The following SLC25A23 variants were observed in gnomAD, a reference collection of about 807,000 sequenced individuals.
SLC25A23 encodes the protein solute carrier family 25 member 23, also known as mitochondrial adenyl nucleotide antiporter SLC25A23.
A neutral mutation model predicts 53.9 loss-of-function variants in SLC25A23; 32 were observed. The observed-to-expected ratio is 0.59, with a 90% confidence interval of 0.45 to 0.80. SLC25A23 has a LOEUF of 0.80. Ranked by LOEUF, SLC25A23 falls within the 30% of genes least tolerant of loss-of-function variation. The pLI is 0.00. For synonymous variants in SLC25A23, 275 were observed against 264.5 expected (o/e 1.04, Z -0.38); for missense variants, 575 against 651.4 (o/e 0.88, Z 1.28).
At chr19:6,442,613 A>ATGG (rs2092439357) in intron 9 of SLC25A23, among the ~76,000 whole-genome samples, 1 of 152,018 alleles carries the variant, frequency 6.6e-6, no homozygotes, top group African/African-American at 2.4e-5. Flanking sequence ...CAATGGTGCA[A>ATGG]TCTCGGCTCA....
chr19:6,455,461 G>C (rs2092665657), intron 4 of SLC25A23, among the ~76,000 whole-genome samples: 1 of 151,816 alleles, frequency 6.6e-6, no homozygotes, highest in Admixed American at 6.6e-5. Context: ...TCCTCCACAT[G>C]GAGTCCCCGT....
chr19:6,442,302 C>T (rs2144780055), intron 9 of SLC25A23, 143 bp from the exon 10 acceptor site: 5 of 612,676 alleles, frequency 8.2e-6, no homozygotes, highest in South Asian at 4.0e-5. Context: ...CACTCAGAGT[C>T]GAGACTTGTA....
rs748356618 is a variant in SLC25A23 at position 6,454,365 on chromosome 19, C to A, written c.753G>T (p.Lys251Asn). 1 of 1,614,198 alleles carries A rather than the reference C, an allele frequency of 6.2e-7. No homozygotes were observed. The highest frequency in any genetic ancestry group is 8.5e-7 in the Non-Finnish European group (1 of 1,180,018). Residue 251 changes from lysine to asparagine, a missense_variant, in exon 6 of 10, where the codon AAG becomes AAT. By Grantham distance (94) the Lys-to-Asn change is moderately conservative (BLOSUM62 0). Transcript: ENST00000301454. The surrounding 1 kb of genome is among the most constrained non-coding windows in gnomAD (Gnocchi z 4.3). ...ACTTGATAGCTGACTCGGGGGCAAT[C>A]TTGAGTACATTAATACCATTGCCGC... ...LWRGNGINVL[K>N]IAPESAIKFM... is the part of the protein sequence containing the mutation.
intron 8 of SLC25A23, among the ~76,000 whole-genome samples, chr19:6,449,033 GA>G (rs747400351): frequency 2.2e-4 from 32 of 145,006 alleles, no homozygotes; most frequent in East Asian, 1.9e-3. Flanking sequence ...CAAAAAAAAA[GA>G]AAAAAAAAAG....
Position 6,441,822 on chromosome 19 carries a change from C to T in SLC25A23, c.*153G>A, listed in dbSNP as rs2092424811. 1.5e-6 allele frequency: 1 copy of T among 651,286 alleles called. No individual in the cohort carries two copies. The allele number at this position is 651,286 out of a possible 1,614,324, so 40.3% of individuals were successfully genotyped here. Reference sequence around the variant, plus strand: ...ATCCAGGATCTGGATGCTGGGATCCCATGACCCAATGGTTGGGGCATAGGA... The same window carrying T: ...ATCCAGGATCTGGATGCTGGGATCCTATGACCCAATGGTTGGGGCATAGGA... On this transcript the variant is annotated 3_prime_UTR_variant, in exon 10 of 10. Coordinates refer to ENST00000301454, the MANE Select transcript of SLC25A23 (RefSeq NM_024103.3).
chr19:6,458,414 A>G, intron 1 of SLC25A23, 90 bp from the exon 2 acceptor site: 1 of 1,436,066 alleles, frequency 7.0e-7, no homozygotes, highest in Non-Finnish European at 9.3e-7. Context: ...AGGAACCCAG[A>G]GCCCCCAGCG....
Position 6,459,557 on chromosome 19 carries a change from G to C in SLC25A23, c.72C>G (p.Asn24Lys). 1 of 1,597,790 alleles carries C rather than the reference G, an allele frequency of 6.3e-7. No individual in the cohort carries two copies. Among genetic ancestry groups the C allele is most frequent in the East Asian group, 2.3e-5 (1 of 43,732 alleles). ...CGTGCACGTCCACGCGGCCATCCTT[G>C]TTACTGTCCAGCTCCTCGAACAGGC... ...WGRLFEELDS[N>K]KDGRVDVHEL... The change falls in exon 1 of 10, where the codon AAC becomes AAG. Residue 24 changes from asparagine to lysine, a missense_variant. By Grantham distance (94) the Asn-to-Lys change is moderately conservative. Transcript: ENST00000301454. This position sits in a 1 kb window ranked among gnomAD's most constrained non-coding sequence, Gnocchi z 4.6.
downstream of SLC25A23, among the ~76,000 whole-genome samples, chr19:6,439,015 T>G (rs2092373778): frequency 6.6e-6 from 1 of 152,100 alleles, no homozygotes; most frequent in African/African-American, 2.4e-5. Flanking sequence ...CACTACAGCC[T>G]GGGCGACAGA....
At chr19:6,458,002 G>T (rs2092704848) in intron 2 of SLC25A23, among the ~76,000 whole-genome samples, 196 bp downstream of exon 2, 1 of 152,096 alleles carries the variant, frequency 6.6e-6, no homozygotes, top group Non-Finnish European at 1.5e-5. Flanking sequence ...GTAGGGAAAG[G>T]AGGTGGGATG....
chr19:6,447,278 G>A (rs1257723219), intron 8 of SLC25A23, among the ~76,000 whole-genome samples: 1 of 150,170 alleles, frequency 6.7e-6, no homozygotes, highest in Non-Finnish European at 1.5e-5. Flanking sequence ...GTCTGTTTTG[G>A]AAGGATCTCA....
chr19:6,455,278 C>CAA (rs140569819), intron 4 of SLC25A23, among the ~76,000 whole-genome samples: 1 of 151,916 alleles, frequency 6.6e-6, no homozygotes, highest in East Asian at 1.9e-4. Context: ...TCTGTAACAG[C>CAA]AAAAAAAGAT....
intron 1 of SLC25A23, 124 bp from the exon 2 acceptor site, chr19:6,458,448 G>C (rs879086238): frequency 4.7e-6 from 5 of 1,065,994 alleles, no homozygotes; most frequent in Non-Finnish European, 5.3e-6. Context: ...GATAGAAGAC[G>C]TCACCCCACT....
intron 8 of SLC25A23, 97 bp from the exon 9 acceptor site, chr19:6,444,398 C>T (rs994020726): frequency 7.5e-7 from 1 of 1,338,868 alleles, no homozygotes; most frequent in Non-Finnish European, 1.0e-6. Context: ...ATGACAGGTG[C>T]TACTAGCTGA....
intron 8 of SLC25A23, among the ~76,000 whole-genome samples, chr19:6,451,026 C>T (rs928200852): frequency 6.7e-6 from 1 of 149,816 alleles, no homozygotes; most frequent in African/African-American, 2.5e-5. Flanking sequence ...TGCAGTGGGC[C>T]GAGATCGCGC....
intron 7 of SLC25A23, 183 bp from the exon 8 acceptor site, chr19:6,452,662 T>C: frequency 1.6e-6 from 1 of 633,026 alleles, no homozygotes; most frequent in Non-Finnish European, 2.5e-6. Context: ...TAGTTACACC[T>C]ACCAAAGTGC....
At chr19:6,458,131 C>T (rs1045723180) in intron 2 of SLC25A23, 67 bp downstream of exon 2, 1 of 1,575,592 alleles carries the variant, frequency 6.3e-7, no homozygotes, top group Non-Finnish European at 8.6e-7. Context: ...GTTCTAACCC[C>T]ACTGATGTCT....
At chr19:6,439,081 A>C (rs1185399074), downstream of SLC25A23, among the ~76,000 whole-genome samples, 1 of 151,352 alleles carries the variant, frequency 6.6e-6, no homozygotes, top group Non-Finnish European at 1.5e-5. Context: ...AAAGTTGGGC[A>C]TGGTGGTGGT....
At chr19:6,437,883 G>A (rs2092350029), downstream of SLC25A23, among the ~76,000 whole-genome samples, 1 of 147,084 alleles carries the variant, frequency 6.8e-6, no homozygotes, top group Non-Finnish European at 1.5e-5. Context: ...TGGCTAACAT[G>A]GTGAAACCCC....
Position 6,441,781 on chromosome 19 carries a change from G to A in SLC25A23, c.*194C>T. 2 of 552,234 alleles carry A rather than the reference G, an allele frequency of 3.6e-6. No individual in the cohort carries two copies. The highest frequency in any genetic ancestry group is 6.3e-6 in the Non-Finnish European group (2 of 318,088). 34.2% of individuals were successfully genotyped at this position (552,234 alleles called of 1,614,324 possible). ...GGGGATCGCATGACCCAGTGGTTGG[G>A]GCATAGGAGTCTAGGATCCAGGATC... On this transcript the variant is annotated 3_prime_UTR_variant, in exon 10 of 10. Transcript: ENST00000301454.
Sources: allele counts gnomAD v4.1 joint callset (sites outside exome capture counted in the v4.1 genomes callset), GRCh38; gene constraint gnomAD v4.1.1; non-coding constraint Gnocchi (gnomAD v3.1); transcripts MANE v1.5; gene names NCBI Gene and HGNC (gene_info 2026-07-23, HGNC 2026-07-21).